The following GABRR1 variants were observed in gnomAD, a reference collection of about 807,000 sequenced individuals.
The protein encoded by GABRR1 is gamma-aminobutyric acid type A receptor subunit rho1, also known as gamma-aminobutyric acid receptor subunit rho-1.
In GABRR1, 59 loss-of-function variants were observed where a neutral mutation model predicts 55.5. The observed-to-expected ratio is 1.06, with a 90% CI of 0.86 to 1.32. The LOEUF (loss-of-function observed/expected upper bound fraction) is 1.32, where lower values mean the gene tolerates loss of function less well. GABRR1 is among the 40% of genes most tolerant of loss of function. GABRR1 has a pLI of 0.00. For missense variants in GABRR1, 602 were observed against 619.1 expected, an observed-to-expected ratio of 0.97 and a Z score of 0.29; for synonymous variants, 213 against 226.0, an observed-to-expected ratio of 0.94 and a Z score of 0.51.
At chr6:89,214,870 A>T (rs7773203) in intron 1 of GABRR1, among the ~76,000 whole-genome samples, 125,051 of 152,074 alleles carry the variant, frequency 0.82, 52,235 homozygotes, top group African/African-American at 0.91. Flanking sequence ...AGAAAAAAAA[A>T]TTTTTTTAAT....
intron 1 of GABRR1, among the ~76,000 whole-genome samples, chr6:89,203,995 G>T (rs1461353931): frequency 6.6e-6 from 1 of 152,208 alleles, no homozygotes; most frequent in Non-Finnish European, 1.5e-5. Context: ...TTGATGCCAG[G>T]ACTAGCAATG....
intron 1 of GABRR1, among the ~76,000 whole-genome samples, chr6:89,227,888 T>C (rs1773224532): frequency 1.6e-5 from 1 of 64,142 alleles, no homozygotes; most frequent in South Asian, 5.9e-4. Context: ...TGAATCCATC[T>C]GGTCCTGGAC....
chr6:89,178,381 A>G lies in GABRR1; in HGVS notation c.*389T>C. ...ATGGCCTGTAGGTGCTTCCAAGTTC[A>G]CGTAGCCTGAACAATGTAATGACAC... On this transcript the variant is annotated 3_prime_UTR_variant, in exon 10 of 10. Coordinates refer to ENST00000454853, the MANE Select transcript of GABRR1 (RefSeq NM_002042.5). 4.9e-6 allele frequency: 1 copy of G among 205,862 alleles called. No individual in the cohort carries two copies. The highest frequency in any genetic ancestry group is 8.9e-5 in the South Asian group (1 of 11,248). 12.8% of individuals were successfully genotyped at this position (205,862 alleles called of 1,614,324 possible). A position where few individuals can be genotyped will look rare whatever the true frequency, so the allele number is the denominator to read the frequency against.
intron 1 of GABRR1, chr6:89,204,600 A>C: frequency 7.9e-7 from 1 of 1,266,780 alleles, no homozygotes; most frequent in Admixed American, 2.8e-5. Flanking sequence ...TCTTACTTTG[A>C]CTTTGGGCCA....
chr6:89,203,314 C>T, intron 2 of GABRR1, 121 bp downstream of exon 2: 1 of 926,904 alleles, frequency 1.1e-6, no homozygotes, highest in Non-Finnish European at 1.8e-6. Flanking sequence ...CCTCTGGTCC[C>T]CCACCCTCCA....
intron 1 of GABRR1, among the ~76,000 whole-genome samples, chr6:89,212,499 C>T (rs1056519650): frequency 8.5e-5 from 13 of 152,242 alleles, no homozygotes; most frequent in East Asian, 3.9e-4. Flanking sequence ...TTCTTTAGCA[C>T]GACAAAGAAT....
chr6:89,219,642 A>G (rs1773083330), upstream of GABRR1, among the ~76,000 whole-genome samples: 1 of 152,122 alleles, frequency 6.6e-6, no homozygotes, highest in African/African-American at 2.4e-5. Flanking sequence ...TATGACTTTG[A>G]TTGTCTTTAG....
At chr6:89,215,809 A>T (rs1772964238) in intron 1 of GABRR1, among the ~76,000 whole-genome samples, 1 of 152,208 alleles carries the variant, frequency 6.6e-6, no homozygotes, top group Non-Finnish European at 1.5e-5. Context: ...ATAATTTGTC[A>T]CTTAAAATTT....
rs564638316 is a variant in GABRR1, at chr6:89,185,243, A to T, written c.796+67T>A. ...ACGACCAATTCAAACCTTTCCTATAATAGAGGGTGAACCTTGGAGACCAAG... is the reference window on the plus strand; with the variant it reads ...ACGACCAATTCAAACCTTTCCTATATTAGAGGGTGAACCTTGGAGACCAAG... On this transcript the variant is annotated intron_variant, in intron 7 of 9. Transcript: ENST00000454853. 304 of 1,595,348 alleles carry T rather than the reference A, an allele frequency of 1.9e-4. 1 individual carries two copies. In the African/African-American group the frequency reaches 3.3e-3, roughly 17 times the overall value.
In GABRR1 at chr6:89,182,498, C is replaced by T. The variant is rs375858535; in HGVS notation, c.797-441G>A. 9.9e-5 allele frequency among the ~76,000 whole-genome samples: 15 copies of T among 152,246 alleles called. 1 individual carries two copies. The highest frequency in any genetic ancestry group is 3.9e-4 in the Admixed American group (6 of 15,280). On this transcript the variant is annotated intron_variant, in intron 7 of 9. Coordinates refer to ENST00000454853, the MANE Select transcript of GABRR1 (RefSeq NM_002042.5). ...AGAGACTGGGTCTTGCTATGTTCAC[C>T]AGGCTGGTCTCGAACTCCTGGCTTC...
chr6:89,180,900 A>G (rs1771697750), intron 8 of GABRR1, among the ~76,000 whole-genome samples: 1 of 152,086 alleles, frequency 6.6e-6, no homozygotes, highest in Non-Finnish European at 1.5e-5. Context: ...TTTTAATATC[A>G]TGTCCTGGCT....
upstream of GABRR1, chr6:89,221,486 A>G (rs1472221470): frequency 6.6e-6 from 1 of 152,266 alleles, no homozygotes; most frequent in Non-Finnish European, 1.5e-5. Context: ...TCAAAAAACT[A>G]ATGTAGTATA....
chr6:89,190,045 C>CAA (rs879031533), intron 6 of GABRR1, 120 bp downstream of exon 6: 709 of 465,532 alleles, frequency 1.5e-3, no homozygotes, highest in Middle Eastern at 2.6e-3. Flanking sequence ...GACTCCATCT[C>CAA]AAAAAAAAAA....
At chr6:89,187,017 T>C (rs1322273079) in intron 6 of GABRR1, among the ~76,000 whole-genome samples, 1 of 152,140 alleles carries the variant, frequency 6.6e-6, no homozygotes, top group African/African-American at 2.4e-5. Flanking sequence ...GAACCCTCAC[T>C]AGGGCTTTGA....
chr6:89,209,476 AAAAC>A (rs1582402379), intron 1 of GABRR1, among the ~76,000 whole-genome samples: 1 of 152,324 alleles, frequency 6.6e-6, no homozygotes, highest in African/African-American at 2.4e-5. Flanking sequence ...AAACAAAAAC[AAAAC>A]AAACAAACAA....
chr6:89,198,560 G>T (rs1772373851), intron 4 of GABRR1, among the ~76,000 whole-genome samples: 1 of 152,102 alleles, frequency 6.6e-6, no homozygotes, highest in Admixed American at 6.6e-5. Flanking sequence ...AGCCACAGAT[G>T]CCAGAAAGTT....
At chr6:89,210,024 G>A (rs1192207401) in intron 1 of GABRR1, among the ~76,000 whole-genome samples, 1 of 152,024 alleles carries the variant, frequency 6.6e-6, no homozygotes, top group Non-Finnish European at 1.5e-5. Flanking sequence ...CTGATGGCGA[G>A]AGGAAAGCAC....
upstream of GABRR1, among the ~76,000 whole-genome samples, chr6:89,219,973 A>C (rs1007457991): frequency 6.6e-6 from 1 of 152,236 alleles, no homozygotes; most frequent in Non-Finnish European, 1.5e-5. Flanking sequence ...TAAAGGCAGA[A>C]TATGTGATGT....
chr6:89,202,739 T>C (rs562229859), intron 2 of GABRR1, among the ~76,000 whole-genome samples: 1 of 152,248 alleles, frequency 6.6e-6, no homozygotes, highest in South Asian at 2.1e-4. Context: ...TGCTCTGTCA[T>C]CCAAGCTGGA....
Sources: allele counts gnomAD v4.1 joint callset (sites outside exome capture counted in the v4.1 genomes callset), GRCh38; gene constraint gnomAD v4.1.1; transcripts MANE v1.5; gene names NCBI Gene and HGNC (gene_info 2026-07-23, HGNC 2026-07-21).